The following DYM variants were observed in gnomAD, a reference collection of about 807,000 sequenced individuals.
DYM encodes dyggve-Melchior-Clausen syndrome protein.
In DYM, 78 loss-of-function variants were observed where a neutral mutation model predicts 93.1. The ratio of observed to expected loss-of-function variants is 0.84; its 90% CI spans 0.70 to 1.01. DYM has a LOEUF of 1.01. Among genes scored for constraint, DYM ranks in the 50% least tolerant of loss-of-function variants. The pLI is 0.00. For missense variants in DYM, 789 were observed against 845.0 expected (o/e 0.93, Z 0.82); for synonymous variants, 321 against 319.7 (o/e 1.00, Z -0.04).
At chr18:49,114,053 C>T (rs1014949647) in intron 16 of DYM, among the ~76,000 whole-genome samples, 5 of 152,194 alleles carry the variant, frequency 3.3e-5, no homozygotes, top group Admixed American at 3.3e-4. Flanking sequence ...CTCTCCCTTC[C>T]TCCTAGGGAT....
intron 11 of DYM, among the ~76,000 whole-genome samples, chr18:49,261,869 T>C (rs958057777): frequency 4.6e-5 from 7 of 152,200 alleles, no homozygotes; most frequent in Non-Finnish European, 2.9e-5. Context: ...GTGTATACTC[T>C]AGACCATTTC....
intron 13 of DYM, among the ~76,000 whole-genome samples, chr18:49,249,862 A>G (rs2094249409): frequency 1.3e-5 from 2 of 152,238 alleles, no homozygotes; most frequent in African/African-American, 4.8e-5. Flanking sequence ...TGAGAATTTT[A>G]AAGTTCTTAA....
chr18:49,287,587 A>G (rs2059744060), intron 8 of DYM, among the ~76,000 whole-genome samples: 1 of 152,014 alleles, frequency 6.6e-6, no homozygotes, highest in African/African-American at 2.4e-5. Flanking sequence ...TGGTCCACTT[A>G]GAAATGCGCT....
chr18:49,133,396 G>A (rs140037523), intron 15 of DYM, among the ~76,000 whole-genome samples: 61 of 152,184 alleles, frequency 4.0e-4, no homozygotes, highest in African/African-American at 1.2e-3. Flanking sequence ...AAATTTAGCC[G>A]CTTAAAACAA....
At chr18:49,099,947 G>C (rs1029116492) in intron 16 of DYM, among the ~76,000 whole-genome samples, 29 of 152,152 alleles carry the variant, frequency 1.9e-4, no homozygotes, top group Admixed American at 1.2e-3. Flanking sequence ...CACCTTCAGT[G>C]TGTGGGGAAA....
intron 2 of DYM, among the ~76,000 whole-genome samples, chr18:49,408,079 A>C (rs1485108387): frequency 6.6e-6 from 1 of 150,634 alleles, no homozygotes; most frequent in Non-Finnish European, 1.5e-5. Context: ...AAAAAAAAAA[A>C]CTGAACCATA....
intron 15 of DYM, among the ~76,000 whole-genome samples, chr18:49,151,249 T>C (rs1311091168): frequency 6.6e-6 from 1 of 152,226 alleles, no homozygotes; most frequent in Non-Finnish European, 1.5e-5. Context: ...TCTGCATTTA[T>C]AAGGTAATTC....
intron 6 of DYM, among the ~76,000 whole-genome samples, chr18:49,346,108 C>T (rs998703435): frequency 3.3e-5 from 5 of 152,136 alleles, no homozygotes; most frequent in Admixed American, 1.3e-4. Flanking sequence ...TACCATATCA[C>T]TTAGCAATTC....
chr18:49,436,015 T>G lies in DYM; in HGVS notation c.-53-5568A>C, dbSNP rs138356755. Among the ~76,000 whole-genome samples the G allele has an allele frequency of 6.6e-4, 100 of 152,196 alleles. No individual in the cohort carries two copies. In the East Asian group the frequency reaches 0.017, roughly 26 times the overall value. On this transcript the variant is annotated intron_variant, in intron 1 of 17. Transcript: ENST00000675505. ...CTTAGACTAGTTTTCCAAAATAAAT[T>G]TATTTACTTATTTTAGAGATAGGGT... is the stretch of plus-strand genomic sequence containing the variant.
intron 14 of DYM, among the ~76,000 whole-genome samples, chr18:49,177,922 T>G (rs187031502): frequency 1.3e-5 from 2 of 152,066 alleles, no homozygotes; most frequent in Non-Finnish European, 2.9e-5. Context: ...TGAGTTAAAG[T>G]TCTAAAACTA....
chr18:49,260,232 T>C (rs949278683), intron 11 of DYM, among the ~76,000 whole-genome samples: 1 of 152,128 alleles, frequency 6.6e-6, no homozygotes, highest in African/African-American at 2.4e-5. Context: ...TACAAAAAAT[T>C]AGCCGGGTGT....
chr18:49,387,513 C>T (rs2068748972), intron 3 of DYM, among the ~76,000 whole-genome samples: 2 of 152,010 alleles, frequency 1.3e-5, no homozygotes, highest in African/African-American at 4.8e-5. Flanking sequence ...TCAGGTGATA[C>T]ACCCACCTCA....
intron 14 of DYM, among the ~76,000 whole-genome samples, chr18:49,204,936 A>G (rs1412785192): frequency 2.0e-5 from 3 of 152,294 alleles, no homozygotes; most frequent in East Asian, 1.9e-4. Flanking sequence ...AGAACAAGAT[A>G]AATTCAATAC....
At chr18:49,197,645 G>C (rs988692310) in intron 14 of DYM, among the ~76,000 whole-genome samples, 1 of 152,052 alleles carries the variant, frequency 6.6e-6, no homozygotes, top group Non-Finnish European at 1.5e-5. Context: ...TTCAAAGAGA[G>C]TAAAATACCT....
intron 1 of DYM, among the ~76,000 whole-genome samples, chr18:49,446,888 G>A (rs1044811161): frequency 3.3e-5 from 5 of 151,932 alleles, no homozygotes; most frequent in African/African-American, 4.8e-5. Flanking sequence ...GTGAAATTCC[G>A]TCTCTACTAA....
chr18:49,245,842 T>G (rs2144823796), intron 13 of DYM, among the ~76,000 whole-genome samples: 1 of 152,326 alleles, frequency 6.6e-6, no homozygotes, highest in Non-Finnish European at 1.5e-5. Flanking sequence ...TGCCGATATG[T>G]GATGTCAACC....
chr18:49,245,298 G>A (rs557282094), intron 13 of DYM, among the ~76,000 whole-genome samples: 8 of 152,280 alleles, frequency 5.3e-5, no homozygotes, highest in South Asian at 2.1e-4. Context: ...GAATAACAGC[G>A]ATTTTCAGGG....
rs1353075832 is a variant in DYM at position 49,039,074 on chromosome 18, C to T, written c.*4981G>A. ...TTATTTTCCTTCTGCCTGTAAAACA[C>T]CTTTTAAATTTTCCTTTAGGGTAGG... is the stretch of plus-strand genomic sequence containing the variant. On this transcript the variant is annotated 3_prime_UTR_variant, in exon 18 of 18. Coordinates refer to ENST00000675505, the MANE Select transcript of DYM (RefSeq NM_001353214.3). 6.6e-6 allele frequency among the ~76,000 whole-genome samples: 1 copy of T among 152,184 alleles called. No individual in the cohort carries two copies. The highest frequency in any genetic ancestry group is 1.5e-5 in the Non-Finnish European group (1 of 68,024).
intron 8 of DYM, among the ~76,000 whole-genome samples, chr18:49,326,306 G>A (rs1005948091): frequency 1.3e-5 from 2 of 151,952 alleles, no homozygotes; most frequent in African/African-American, 4.8e-5. Flanking sequence ...TAGAAGAATA[G>A]TTAAACTAAA....
Sources: gnomAD v4.1 joint callset for allele counts (sites outside exome capture counted in the v4.1 genomes callset) on GRCh38, gnomAD v4.1.1 for gene constraint, MANE v1.5 for transcripts, NCBI Gene and HGNC (gene_info 2026-07-23, HGNC 2026-07-21) for gene names.